The following ATP7A variants were observed in gnomAD, a reference collection of about 807,000 sequenced individuals.
ATP7A encodes the protein copper-transporting ATPase 1.
Under a neutral mutation model 83.5 loss-of-function variants are expected in ATP7A, and 7 were observed. The ratio of observed to expected loss-of-function variants is 0.08; its 90% CI spans 0.05 to 0.16. ATP7A has a LOEUF of 0.16. Ranked by LOEUF, ATP7A falls within the 10% of genes least tolerant of loss-of-function variation. ATP7A has a pLI of 1.00. For missense variants in ATP7A, 940 were observed against 1,120.8 expected, an observed-to-expected ratio of 0.84 and a Z score of 2.30; for synonymous variants, 354 against 395.2, an observed-to-expected ratio of 0.90 and a Z score of 1.24.
intron 1 of ATP7A, among the ~76,000 whole-genome samples, chrX:77,953,307 A>G (rs1173491423): frequency 5.4e-5 from 6 of 111,759 alleles, no homozygotes; most frequent in African/African-American, 1.9e-4. Flanking sequence ...TAATATTTTT[A>G]TATTCGGGGG....
chrX:78,034,736 C>T (rs1288785336), intron 17 of ATP7A, among the ~76,000 whole-genome samples: 7 of 109,594 alleles, frequency 6.4e-5, no homozygotes, highest in Non-Finnish European at 1.1e-4. Flanking sequence ...TCTCACCTCC[C>T]TGGCTGTTCC....
chrX:77,998,935 A>G (rs1353930564), intron 5 of ATP7A, among the ~76,000 whole-genome samples: 1 of 110,905 alleles, frequency 9.0e-6, no homozygotes, highest in Non-Finnish European at 1.9e-5. Context: ...TAGCAGAAAG[A>G]AATACACGAG....
chrX:77,923,477 T>G (rs1431500009), intron 1 of ATP7A: 1 of 111,705 alleles, frequency 9.0e-6, no homozygotes, highest in African/African-American at 3.2e-5. Flanking sequence ...TTGAGAAAAC[T>G]AATTAGAAAG....
chrX:77,946,729 TAAAAAAAAAAAA>T (rs782042145), intron 1 of ATP7A, among the ~76,000 whole-genome samples: 8 of 55,107 alleles, frequency 1.5e-4, no homozygotes, highest in Non-Finnish European at 2.9e-4. Context: ...TGGCTATTAC[TAAAAAAAAAAAA>T]AAAAAAAAAC....
intron 1 of ATP7A, among the ~76,000 whole-genome samples, chrX:77,926,519 C>T (rs1209233778): frequency 9.1e-6 from 1 of 110,157 alleles, no homozygotes; most frequent in African/African-American, 3.3e-5. Context: ...TTAGTAGAGA[C>T]AGGGTTTCGC....
chrX:77,954,090 G>A (rs1557227071), intron 1 of ATP7A, among the ~76,000 whole-genome samples: 2 of 111,533 alleles, frequency 1.8e-5, no homozygotes, highest in Non-Finnish European at 3.8e-5. Flanking sequence ...CTGTGTTTAA[G>A]TATTACTACC....
At chrX:78,024,953 C>T (rs1437896642) in intron 14 of ATP7A, among the ~76,000 whole-genome samples, 1 of 111,358 alleles carries the variant, frequency 9.0e-6, no homozygotes, top group Non-Finnish European at 1.9e-5. Context: ...GGTGTGTATC[C>T]TGAACTGCAT....
chrX:77,983,422 C>T (rs1557231083), intron 2 of ATP7A, among the ~76,000 whole-genome samples: 2 of 111,698 alleles, frequency 1.8e-5, no homozygotes, highest in Non-Finnish European at 3.8e-5. Context: ...ATACAGAAAT[C>T]ATATGCAAAT....
chrX:78,026,089 A>G (rs185119562), intron 14 of ATP7A, among the ~76,000 whole-genome samples: 1 of 112,032 alleles, frequency 8.9e-6, no homozygotes, highest in East Asian at 2.8e-4. Flanking sequence ...ATATATCAAT[A>G]TTAAACTTGA....
At chrX:78,031,698 A>T in intron 16 of ATP7A, 116 bp downstream of exon 16, 1 of 806,099 alleles carries the variant, frequency 1.2e-6, no homozygotes, top group Non-Finnish European at 1.9e-6. Context: ...GAGGCTAAAA[A>T]GACTTGTATT....
chrX:77,952,886 G>T (rs1367967819), intron 1 of ATP7A, among the ~76,000 whole-genome samples: 1 of 107,171 alleles, frequency 9.3e-6, no homozygotes, highest in African/African-American at 3.4e-5. Context: ...GGCTCAAGCC[G>T]TCCTCCCACC....
At chrX:77,967,068 C>A (rs954749973) in intron 1 of ATP7A, among the ~76,000 whole-genome samples, 3 of 111,569 alleles carry the variant, frequency 2.7e-5, no homozygotes, top group African/African-American at 9.8e-5. Flanking sequence ...CATATCCCTG[C>A]AAAGGACATG....
chrX:77,987,542 G>A (rs1363396746), intron 2 of ATP7A, among the ~76,000 whole-genome samples: 7 of 107,216 alleles, frequency 6.5e-5, no homozygotes, highest in Non-Finnish European at 1.2e-4. Flanking sequence ...CATGACAGTA[G>A]TTAAATTATA....
chrX:78,011,530 C>G lies in ATP7A; in HGVS notation c.2028C>G (p.His676Gln). 8.3e-7 allele frequency: 1 copy of G among 1,210,403 alleles called. No individual in the cohort carries two copies. Among genetic ancestry groups the G allele is most frequent in the Non-Finnish European group, 1.1e-6 (1 of 894,715 alleles). Residue 676 changes from histidine to glutamine, a missense_variant, in exon 9 of 23, where the codon CAC (histidine) becomes CAG (glutamine). Coordinates refer to ENST00000341514, the MANE Select transcript of ATP7A (RefSeq NM_000052.7). ...GLMIYMMVMD[H>Q]HFATLHHNQN... Reference sequence around the variant, plus strand: ...TGATATATATGATGGTTATGGACCACCACTTTGCAACTCTTCACCATAATC... The same window carrying G: ...TGATATATATGATGGTTATGGACCAGCACTTTGCAACTCTTCACCATAATC...
At chrX:77,955,543 A>G (rs1053747453) in intron 1 of ATP7A, among the ~76,000 whole-genome samples, 3 of 111,706 alleles carry the variant, frequency 2.7e-5, no homozygotes, top group Non-Finnish European at 5.6e-5. Flanking sequence ...ATTCATATTT[A>G]TGGGGTACAA....
intron 1 of ATP7A, among the ~76,000 whole-genome samples, chrX:77,956,649 G>A (rs1419361839): frequency 9.0e-6 from 1 of 111,510 alleles, no homozygotes; most frequent in Non-Finnish European, 1.9e-5. Flanking sequence ...AAGCTGAGCA[G>A]ATACTGACAC....
rs1199992144 is a variant in ATP7A at position 77,998,462 on chromosome X, T to C, written c.1337-16T>C. 2 of 1,206,649 alleles carry C rather than the reference T, an allele frequency of 1.7e-6. No homozygotes were observed. The highest frequency in any genetic ancestry group is 4.3e-5 in the Admixed American group (2 of 46,012). ...ATCAATACTGCAAATGAAAAGAATC[T>C]TTCCCTTTCTACCAGACACGAATGA... On this transcript the variant is annotated splice_polypyrimidine_tract_variant and intron_variant, in intron 4 of 22. Transcript: ENST00000341514.
At chrX:78,032,362 T>A (rs1281441077) in intron 16 of ATP7A, among the ~76,000 whole-genome samples, 2 of 111,783 alleles carry the variant, frequency 1.8e-5, no homozygotes, top group Non-Finnish European at 3.8e-5. Context: ...AAAGGATGCA[T>A]GCAGTTAAAT....
chrX:78,015,258 A>G (rs1324530761), intron 11 of ATP7A, among the ~76,000 whole-genome samples: 1 of 111,674 alleles, frequency 9.0e-6, no homozygotes, highest in African/African-American at 3.3e-5. Context: ...CCCACAAAAC[A>G]ATTGACTTGA....
Sources: allele counts gnomAD v4.1 joint callset (sites outside exome capture counted in the v4.1 genomes callset), GRCh38; gene constraint gnomAD v4.1.1; transcripts MANE v1.5; gene names NCBI Gene and HGNC (gene_info 2026-07-23, HGNC 2026-07-21).